The following SV2C variants were observed in gnomAD, a reference collection of about 807,000 sequenced individuals.
SV2C encodes synaptic vesicle glycoprotein 2C.
A neutral mutation model predicts 79.7 loss-of-function variants in SV2C; 49 were observed. The ratio of observed to expected loss-of-function variants is 0.61; its 90% CI spans 0.49 to 0.78. SV2C has a LOEUF of 0.78. Ranked by LOEUF, SV2C falls within the 30% of genes least tolerant of loss-of-function variation. SV2C has a pLI of 0.00. For synonymous variants in SV2C, 334 were observed against 333.2 expected, an observed-to-expected ratio of 1.00 and a Z score of -0.03; for missense variants, 833 against 912.9, an observed-to-expected ratio of 0.91 and a Z score of 1.13.
At chr5:75,941,136 C>T in the SV2C span, among the ~76,000 whole-genome samples, 4 of 152,082 alleles carry the variant, frequency 2.6e-5, no homozygotes, top group African/African-American at 9.7e-5. Flanking sequence ...ACCCAGAGAA[C>T]CTTTCAGTTG....
intron 2 of SV2C, among the ~76,000 whole-genome samples, chr5:76,172,055 C>T (rs1743299170): frequency 1.1e-5 from 1 of 88,940 alleles, no homozygotes; most frequent in African/African-American, 4.5e-5. Flanking sequence ...CCCAGCCGCC[C>T]CTACTGGGAA....
At chr5:76,049,019 G>GAAAGAAAGAGA in the SV2C span, among the ~76,000 whole-genome samples, 1 of 89,262 alleles carries the variant, frequency 1.1e-5, no homozygotes, top group Non-Finnish European at 2.2e-5. Context: ...AAGAAAGAAA[G>GAAAGAAAGAGA]AAAGAAAAAG....
chr5:75,987,485 G>T, the SV2C span, among the ~76,000 whole-genome samples: 19 of 152,072 alleles, frequency 1.2e-4, no homozygotes, highest in African/African-American at 4.1e-4. Flanking sequence ...GAGTTGGAAA[G>T]TACCTGGATG....
chr5:76,099,365 C>CAT (rs112786152), intron 1 of SV2C, among the ~76,000 whole-genome samples: 1 of 148,506 alleles, frequency 6.7e-6, no homozygotes, highest in Non-Finnish European at 1.5e-5. Context: ...TTCTTTTGCT[C>CAT]GTGTGTGTGT....
chr5:76,068,380 T>C, the SV2C span, among the ~76,000 whole-genome samples: 1 of 152,204 alleles, frequency 6.6e-6, no homozygotes, highest in African/African-American at 2.4e-5. Context: ...TTCATCCTGA[T>C]GAAACCTATG....
chr5:75,900,353 T>G, the SV2C span, among the ~76,000 whole-genome samples: 477 of 152,288 alleles, frequency 3.1e-3, 5 homozygotes, highest in African/African-American at 0.011. Context: ...GAAATTTTGG[T>G]TTGAAAATTC....
At chr5:76,008,279 G>A in the SV2C span, among the ~76,000 whole-genome samples, 1 of 152,146 alleles carries the variant, frequency 6.6e-6, no homozygotes, top group Non-Finnish European at 1.5e-5. Context: ...CTCAGCAGGG[G>A]AGCCTGTGAA....
intron 1 of SV2C, among the ~76,000 whole-genome samples, chr5:76,099,518 T>C (rs1341243365): frequency 6.6e-6 from 1 of 152,082 alleles, no homozygotes; most frequent in Non-Finnish European, 1.5e-5. Context: ...CTTATAAGGG[T>C]TTCCTTCTCT....
At chr5:75,922,562 A>G in the SV2C span, among the ~76,000 whole-genome samples, 2 of 152,260 alleles carry the variant, frequency 1.3e-5, no homozygotes, top group Non-Finnish European at 2.9e-5. Context: ...GTTATGGCAG[A>G]GACTGCACTT....
At chr5:76,210,757 G>T (rs540424596) in intron 4 of SV2C, among the ~76,000 whole-genome samples, 1 of 152,286 alleles carries the variant, frequency 6.6e-6, no homozygotes, top group South Asian at 2.1e-4. Context: ...CTGGTGACCA[G>T]TCCCACTCAG....
intron 2 of SV2C, among the ~76,000 whole-genome samples, chr5:76,156,897 T>C (rs1318818772): frequency 6.6e-6 from 1 of 151,968 alleles, no homozygotes; most frequent in Non-Finnish European, 1.5e-5. Context: ...GAACAGAGCC[T>C]TAGAGAATTA....
the SV2C span, among the ~76,000 whole-genome samples, chr5:76,007,992 C>A: frequency 1.3e-5 from 2 of 152,082 alleles, no homozygotes; most frequent in South Asian, 2.1e-4. Context: ...AACCTAATGC[C>A]GGTGGCAACA....
the SV2C span, among the ~76,000 whole-genome samples, chr5:75,995,714 A>G: frequency 6.6e-6 from 1 of 152,110 alleles, no homozygotes; most frequent in African/African-American, 2.4e-5. Context: ...TCAATTGATT[A>G]TATTCAGAGC....
chr5:75,897,841 G>A, the SV2C span, among the ~76,000 whole-genome samples: 13 of 152,060 alleles, frequency 8.5e-5, no homozygotes, highest in South Asian at 2.5e-3. Context: ...TTGTAAATGG[G>A]AGTTCACTCA....
At chr5:76,194,819 G>A (rs553457937) in intron 2 of SV2C, 100 bp from the exon 3 acceptor site, 6 of 1,401,656 alleles carry the variant, frequency 4.3e-6, no homozygotes, top group Admixed American at 4.3e-5. Flanking sequence ...TTTTCCTCAT[G>A]CAAAATGCTG....
At chr5:75,954,673 G>A in the SV2C span, among the ~76,000 whole-genome samples, 381 of 150,334 alleles carry the variant, frequency 2.5e-3, 1 homozygote, top group African/African-American at 9.1e-3. Flanking sequence ...ATCTCCTTAA[G>A]CTGATAAGCA....
chr5:76,342,834 G>A lies in SV2C; in HGVS notation c.2001-10296G>A, dbSNP rs112451192. ...CAGTCTTTTATTGCATACATTTAAT[G>A]TGTACAACATGGTATGTTGGTATAC... On this transcript the variant is annotated intron_variant, in intron 12 of 12. Coordinates refer to the SV2C transcript ENST00000322285. 5.8e-4 allele frequency among the ~76,000 whole-genome samples: 88 copies of A among 151,682 alleles called. 1 individual carries two copies. Among genetic ancestry groups the A allele is most frequent in the African/African-American group, 2.1e-3 (87 of 41,318 alleles).
At chr5:75,957,031 C>T in the SV2C span, among the ~76,000 whole-genome samples, 1 of 151,926 alleles carries the variant, frequency 6.6e-6, no homozygotes, top group East Asian at 1.9e-4. Context: ...ATAGTTGCAA[C>T]TGATTCATGA....
In SV2C at chr5:76,195,004, G is replaced by A. The variant is rs1004838534; in HGVS notation, c.666G>A (p.Leu222=). Residue 222 remains leucine, a synonymous_variant, in exon 3 of 13, where the codon CTG becomes CTA. Transcript: ENST00000502798. The part of the protein sequence containing the change: ...ADKVGRKQSL[L]ICMSVNGFFA... The stretch of plus-strand genomic sequence containing the variant: ...AAGTGGGAAGGAAACAGTCTCTTCT[G>A]ATTTGCATGTCTGTCAACGGATTCT... 1.2e-6 allele frequency: 2 copies of A among 1,614,046 alleles called. No individual in the cohort carries two copies. The highest frequency in any genetic ancestry group is 8.5e-7 in the Non-Finnish European group (1 of 1,179,940).
Sources: gnomAD v4.1 joint callset for allele counts (sites outside exome capture counted in the v4.1 genomes callset) on GRCh38, gnomAD v4.1.1 for gene constraint, MANE v1.5 for transcripts, NCBI Gene and HGNC (gene_info 2026-07-23, HGNC 2026-07-21) for gene names.